Variants in SMYD3 observed in about 807,000 individuals in gnomAD.
SMYD3 encodes SET and MYND domain containing 3, also known as histone-lysine N-methyltransferase SMYD3.
In SMYD3, 36 loss-of-function variants were observed where a neutral mutation model predicts 57.7. The observed-to-expected ratio is 0.62, with a 90% CI of 0.48 to 0.82. The LOEUF is 0.82. SMYD3 is among the 40% of genes least tolerant of loss of function. The probability of loss-of-function intolerance (pLI) is 0.00; values close to 1 mark genes in which losing one functional copy is unlikely to be tolerated. For synonymous variants in SMYD3, 211 were observed against 195.0 expected (o/e 1.08, Z -0.68); for missense variants, 515 against 538.8 (o/e 0.96, Z 0.44).
intron 5 of SMYD3, among the ~76,000 whole-genome samples, chr1:246,175,598 G>A (rs1220518558): frequency 6.6e-6 from 1 of 152,112 alleles, no homozygotes; most frequent in African/African-American, 2.4e-5. Context: ...AACTATCGAG[G>A]AAGACAGGGC....
chr1:246,090,390 A>T (rs1400622984), intron 5 of SMYD3, among the ~76,000 whole-genome samples: 1 of 152,142 alleles, frequency 6.6e-6, no homozygotes, highest in Non-Finnish European at 1.5e-5. Context: ...GGCATGGAAG[A>T]AACAGAGAGA....
intron 5 of SMYD3, among the ~76,000 whole-genome samples, chr1:246,213,857 C>T (rs1344106788): frequency 6.6e-6 from 1 of 152,176 alleles, no homozygotes; most frequent in African/African-American, 2.4e-5. Flanking sequence ...GAACACAGTT[C>T]TTTCTCTTCC....
intron 5 of SMYD3, among the ~76,000 whole-genome samples, chr1:245,963,935 T>C (rs2058074466): frequency 6.6e-6 from 1 of 152,178 alleles, no homozygotes; most frequent in Non-Finnish European, 1.5e-5. Flanking sequence ...GGAGAACAAT[T>C]CCATTCTGAG....
intron 1 of SMYD3, among the ~76,000 whole-genome samples, chr1:246,409,625 G>C (rs1465702612): frequency 6.6e-6 from 1 of 152,158 alleles, no homozygotes. Context: ...CTCCAGCTTT[G>C]TTCTTTTGGC....
At chr1:246,369,501 A>T (rs1420577581) in intron 1 of SMYD3, among the ~76,000 whole-genome samples, 1 of 152,188 alleles carries the variant, frequency 6.6e-6, no homozygotes, top group African/African-American at 2.4e-5. Flanking sequence ...ACTCATAGGA[A>T]AATAGAATTG....
intron 5 of SMYD3, among the ~76,000 whole-genome samples, chr1:246,255,525 G>A (rs1934538): frequency 0.21 from 31,460 of 151,734 alleles, 3,956 homozygotes; most frequent in East Asian, 0.58. Context: ...CAGGAATCAA[G>A]CCTACTTGAT....
intron 3 of SMYD3, among the ~76,000 whole-genome samples, chr1:246,334,397 A>G (rs781333326): frequency 6.6e-6 from 1 of 152,228 alleles, no homozygotes; most frequent in Non-Finnish European, 1.5e-5. Flanking sequence ...GAGTGAAATC[A>G]TGTCTTTTGG....
intron 5 of SMYD3, among the ~76,000 whole-genome samples, chr1:246,135,273 A>G (rs916193161): frequency 6.6e-6 from 1 of 152,096 alleles, no homozygotes; most frequent in Non-Finnish European, 1.5e-5. Context: ...TTCTATGTGG[A>G]GCATCAGACA....
chr1:245,761,353 A>G (rs2045834929), intron 11 of SMYD3, among the ~76,000 whole-genome samples: 1 of 152,088 alleles, frequency 6.6e-6, no homozygotes, highest in African/African-American at 2.4e-5. Context: ...AGCAGAACAG[A>G]CCTGGGCATG....
chr1:246,335,963 C>A (rs2065537093), intron 2 of SMYD3, among the ~76,000 whole-genome samples: 1 of 152,184 alleles, frequency 6.6e-6, no homozygotes, highest in Non-Finnish European at 1.5e-5. Context: ...AATATAAAAT[C>A]TCTTTGTTTT....
intron 2 of SMYD3, among the ~76,000 whole-genome samples, chr1:246,350,187 G>T (rs987560816): frequency 6.6e-6 from 1 of 152,150 alleles, no homozygotes; most frequent in Non-Finnish European, 1.5e-5. Context: ...CCTACTCACA[G>T]GTGAGTTTGT....
chr1:246,291,488 T>C (rs1376178847), intron 5 of SMYD3, among the ~76,000 whole-genome samples: 5 of 152,218 alleles, frequency 3.3e-5, no homozygotes, highest in South Asian at 4.1e-4. Flanking sequence ...AAAGGTCAAA[T>C]AGAGTAATAT....
intron 5 of SMYD3, among the ~76,000 whole-genome samples, chr1:246,301,692 ATATTG>A (rs1468228936): frequency 6.6e-6 from 1 of 152,144 alleles, no homozygotes; most frequent in African/African-American, 2.4e-5. Flanking sequence ...CAAATTATGC[ATATTG>A]TATTGTGAAT....
chr1:245,859,937 A>G (rs1021525810), intron 9 of SMYD3, among the ~76,000 whole-genome samples: 1 of 152,234 alleles, frequency 6.6e-6, no homozygotes, highest in African/African-American at 2.4e-5. Flanking sequence ...TGAGTAATAT[A>G]TTGTATGTAA....
intron 1 of SMYD3, among the ~76,000 whole-genome samples, chr1:246,437,605 C>T (rs1257829207): frequency 6.6e-6 from 1 of 152,208 alleles, no homozygotes; most frequent in African/African-American, 2.4e-5. Context: ...TTTTTCTGTA[C>T]ACAATTTTGT....
At chr1:246,144,697 A>G (rs1339170037) in intron 5 of SMYD3, among the ~76,000 whole-genome samples, 1 of 152,216 alleles carries the variant, frequency 6.6e-6, no homozygotes, top group East Asian at 1.9e-4. Flanking sequence ...TTTAATTGGA[A>G]TCATTTCATA....
At chr1:245,856,551 C>A (rs2051251023) in intron 10 of SMYD3, among the ~76,000 whole-genome samples, 1 of 152,174 alleles carries the variant, frequency 6.6e-6, no homozygotes, top group South Asian at 2.1e-4. Flanking sequence ...AGAAAGGCCT[C>A]TTTGTTTAAA....
chr1:246,272,171 T>A (rs1470068681), intron 5 of SMYD3, among the ~76,000 whole-genome samples: 1 of 152,222 alleles, frequency 6.6e-6, no homozygotes, highest in Non-Finnish European at 1.5e-5. Flanking sequence ...TTAGCATTGA[T>A]AGTTTTTTGT....
intron 5 of SMYD3, among the ~76,000 whole-genome samples, chr1:246,050,282 C>T (rs1454885154): frequency 1.3e-5 from 2 of 152,256 alleles, no homozygotes; most frequent in East Asian, 3.9e-4. Context: ...AAAAATAGTT[C>T]ACAGAGATAA....
Sources: gnomAD v4.1 joint callset for allele counts (sites outside exome capture counted in the v4.1 genomes callset) on GRCh38, gnomAD v4.1.1 for gene constraint, MANE v1.5 for transcripts, NCBI Gene and HGNC (gene_info 2026-07-23, HGNC 2026-07-21) for gene names.